The following BICD1 variants were observed in gnomAD, a reference collection of about 807,000 sequenced individuals.
BICD1 encodes BICD cargo adaptor 1, also known as protein bicaudal D homolog 1.
BICD1 carries 35 observed loss-of-function variants against 92.5 expected under a neutral mutation model. The ratio of observed to expected loss-of-function variants is 0.38; its 90% confidence interval spans 0.29 to 0.50. The LOEUF (loss-of-function observed/expected upper bound fraction) is 0.50, where lower values mean the gene tolerates loss of function less well. BICD1 is among the 20% of genes least tolerant of loss of function. The pLI is 0.93. For missense variants in BICD1, 950 were observed against 1,189.8 expected (o/e 0.80, Z 2.97); for synonymous variants, 429 against 465.1 (o/e 0.92, Z 1.00).
chr12:32,206,425 G>A (rs1203540071), intron 1 of BICD1, among the ~76,000 whole-genome samples: 3 of 152,200 alleles, frequency 2.0e-5, no homozygotes, highest in Non-Finnish European at 4.4e-5. Flanking sequence ...GGCCAACAAG[G>A]TGAAACCTCA....
At position 32,379,805 on chromosome 12, in the gene BICD1, C is replaced by T. The variant is rs780515838; in HGVS notation, c.*2178C>T. ...AGTACCTCAGAACATGTTCGTAGAT[C>T]GTCTCATCGGTTTTGTTTGGTGGGA... On this transcript the variant is annotated 3_prime_UTR_variant, in exon 10 of 10. Transcript: ENST00000652176. The T allele has an allele frequency of 1.2e-4, 18 of 152,082 alleles. No individual in the cohort carries two copies. The highest frequency in any genetic ancestry group is 2.1e-4 in the South Asian group (1 of 4,822). The allele number at this position is 152,082 out of a possible 1,614,324, so 9.4% of individuals were successfully genotyped here. A position where few individuals can be genotyped will look rare whatever the true frequency, so the allele number is the denominator to read the frequency against.
At chr12:32,276,079 C>T (rs931386361) in intron 2 of BICD1, among the ~76,000 whole-genome samples, 4 of 152,054 alleles carry the variant, frequency 2.6e-5, no homozygotes, top group East Asian at 1.9e-4. Flanking sequence ...AAGGGACCTC[C>T]GAAGCGTTTG....
At chr12:32,177,862 C>G (rs1457933438) in intron 1 of BICD1, among the ~76,000 whole-genome samples, 1 of 146,996 alleles carries the variant, frequency 6.8e-6, no homozygotes, top group Non-Finnish European at 1.5e-5. Context: ...AATATTGGAA[C>G]CAGCATAAAG....
At chr12:32,250,950 T>C (rs1946507605) in intron 2 of BICD1, among the ~76,000 whole-genome samples, 1 of 152,092 alleles carries the variant, frequency 6.6e-6, no homozygotes, top group Non-Finnish European at 1.5e-5. Context: ...TACCACTCAC[T>C]TCACTCTAGC....
At chr12:32,200,052 G>A (rs541532111) in intron 1 of BICD1, among the ~76,000 whole-genome samples, 9 of 152,248 alleles carry the variant, frequency 5.9e-5, no homozygotes, top group Admixed American at 1.3e-4. Flanking sequence ...GGAGGCCTGC[G>A]TTAGTGAGAG....
chr12:32,348,379 T>C (rs952185108), intron 8 of BICD1, among the ~76,000 whole-genome samples: 1 of 152,182 alleles, frequency 6.6e-6, no homozygotes, highest in Non-Finnish European at 1.5e-5. Context: ...TTGTTAAAAT[T>C]TTATTAAATC....
chr12:32,192,632 G>C (rs1366067286), intron 1 of BICD1, among the ~76,000 whole-genome samples: 2 of 152,174 alleles, frequency 1.3e-5, no homozygotes, highest in East Asian at 1.9e-4. Context: ...CAGTGCTATG[G>C]AAGGAGAGTT....
chr12:32,177,774 AAT>A (rs1031448663), intron 1 of BICD1, among the ~76,000 whole-genome samples: 1 of 115,080 alleles, frequency 8.7e-6, no homozygotes, highest in Non-Finnish European at 1.8e-5. Context: ...ATATATATTT[AAT>A]ATATAAATAT....
chr12:32,154,226 T>G (rs1943372541), intron 1 of BICD1, among the ~76,000 whole-genome samples: 1 of 152,182 alleles, frequency 6.6e-6, no homozygotes, highest in Non-Finnish European at 1.5e-5. Flanking sequence ...TCTAACCCTT[T>G]TTTTATTACT....
intron 8 of BICD1, among the ~76,000 whole-genome samples, chr12:32,354,320 T>C (rs573028752): frequency 6.6e-6 from 1 of 152,290 alleles, no homozygotes; most frequent in South Asian, 2.1e-4. Context: ...TGCTTGTCAC[T>C]GAAGTGTGAT....
chr12:32,109,900 TGTGA>T (rs796584227), intron 1 of BICD1, among the ~76,000 whole-genome samples: 1 of 152,122 alleles, frequency 6.6e-6, no homozygotes, highest in South Asian at 2.1e-4. Context: ...AAAAATATTT[TGTGA>T]GTGTTTTGAT....
intron 1 of BICD1, among the ~76,000 whole-genome samples, chr12:32,118,316 TG>T (rs1200147428): frequency 7.1e-6 from 1 of 141,456 alleles, no homozygotes; most frequent in Non-Finnish European, 1.5e-5. Context: ...CTCTTGACCT[TG>T]TGATCCGCCC....
intron 2 of BICD1, among the ~76,000 whole-genome samples, chr12:32,266,417 TA>T (rs1946998021): frequency 6.6e-6 from 1 of 152,354 alleles, no homozygotes; most frequent in African/African-American, 2.4e-5. Context: ...GGCCACATTC[TA>T]AAAATTCATT....
At chr12:32,248,195 G>A (rs76677977) in intron 2 of BICD1, among the ~76,000 whole-genome samples, 1 of 152,216 alleles carries the variant, frequency 6.6e-6, no homozygotes, top group African/African-American at 2.4e-5. Flanking sequence ...GCAGAACTGT[G>A]TGAGTAAAAT....
In BICD1 at chr12:32,317,368, G is replaced by A. The variant is rs537098653; in HGVS notation, c.1006-10093G>A. On this transcript the variant is annotated intron_variant, in intron 4 of 9. Coordinates refer to ENST00000652176, the MANE Select transcript of BICD1 (RefSeq NM_001714.4). ...TTTCTCCACATCCTCTCCAGCACCT[G>A]TTGTTTCCTGACTTTTTAATGATCG... is the stretch of plus-strand genomic sequence containing the variant. Among the ~76,000 whole-genome samples the A allele has an allele frequency of 3.3e-5, 5 of 152,266 alleles. No homozygotes were observed. The East Asian group carries it at 5.8e-4, about 18-fold the overall frequency.
chr12:32,314,819 G>T (rs1948458673), intron 4 of BICD1, among the ~76,000 whole-genome samples: 1 of 151,708 alleles, frequency 6.6e-6, no homozygotes, highest in Admixed American at 6.6e-5. Context: ...GAGTGCAGTG[G>T]CTATTCATAG....
chr12:32,226,870 G>T (rs1945712212), intron 2 of BICD1, among the ~76,000 whole-genome samples: 1 of 152,264 alleles, frequency 6.6e-6, no homozygotes, highest in Non-Finnish European at 1.5e-5. Context: ...AACCCCTGGA[G>T]CTCTTCGCCA....
chr12:32,197,775 C>T (rs1374296826), intron 1 of BICD1, among the ~76,000 whole-genome samples: 1 of 152,090 alleles, frequency 6.6e-6, no homozygotes, highest in African/African-American at 2.4e-5. Context: ...GGGGTTTCAC[C>T]CAGCAAGAGT....
chr12:32,118,844 T>C (rs1942043056), intron 1 of BICD1, among the ~76,000 whole-genome samples: 3 of 152,226 alleles, frequency 2.0e-5, no homozygotes, highest in Non-Finnish European at 2.9e-5. Context: ...AAATTTGTAT[T>C]GAGTGGCTAC....
Sources: allele counts gnomAD v4.1 joint callset (sites outside exome capture counted in the v4.1 genomes callset), GRCh38; gene constraint gnomAD v4.1.1; transcripts MANE v1.5; gene names NCBI Gene and HGNC (gene_info 2026-07-23, HGNC 2026-07-21).